CREM: variants seen among roughly 807,000 people sequenced by gnomAD.
CREM encodes the protein cAMP responsive element modulator.
Under a neutral mutation model 37.3 loss-of-function variants are expected in CREM, and 13 were observed. The observed-to-expected ratio is 0.35, with a 90% CI of 0.23 to 0.55. The LOEUF (loss-of-function observed/expected upper bound fraction) is 0.55, where lower values mean the gene tolerates loss of function less well. Ranked by LOEUF, CREM falls within the 20% of genes least tolerant of loss-of-function variation. The probability of loss-of-function intolerance (pLI) is 0.88; values close to 1 mark genes in which losing one functional copy is unlikely to be tolerated. For missense variants in CREM, 296 were observed against 362.3 expected (o/e 0.82, Z 1.49); for synonymous variants, 124 against 120.2 (o/e 1.03, Z -0.21).
In CREM at chr10:35,195,751, G is replaced by C. The variant is rs146939498; in HGVS notation, c.598+7363G>C. On this transcript the variant is annotated intron_variant, in intron 6 of 7. Transcript: ENST00000685392. ...TTTCCTCCTGTATTTAAAATGGTCT[G>C]TTCAGCTAATTGAGTTCAAAAGGCT... 2.2e-4 allele frequency: 100 copies of C among 446,790 alleles called. 1 individual carries two copies. Among genetic ancestry groups the C allele is most frequent in the African/African-American group, 1.8e-3 (93 of 50,514 alleles). 27.7% of individuals were successfully genotyped at this position (446,790 alleles called of 1,614,324 possible).
chr10:35,147,672 C>A (rs1338092263), intron 2 of CREM, among the ~76,000 whole-genome samples: 1 of 152,062 alleles, frequency 6.6e-6, no homozygotes, highest in East Asian at 1.9e-4. Context: ...GTTTATTAGG[C>A]CTTAAGAATC....
intron 3 of CREM, chr10:35,154,640 T>G (rs1047156760): frequency 2.6e-5 from 4 of 152,220 alleles, no homozygotes; most frequent in African/African-American, 9.6e-5. Context: ...ATTTTATCTG[T>G]TACACAGAAC....
chr10:35,182,718 C>T (rs1178406898), intron 5 of CREM, among the ~76,000 whole-genome samples: 1 of 152,124 alleles, frequency 6.6e-6, no homozygotes, highest in African/African-American at 2.4e-5. Flanking sequence ...ATAGGCTGCT[C>T]CCTGGGGAGT....
At chr10:35,131,834 A>G (rs2089437885) in intron 1 of CREM, among the ~76,000 whole-genome samples, 1 of 152,224 alleles carries the variant, frequency 6.6e-6, no homozygotes, top group Non-Finnish European at 1.5e-5. Context: ...CTTAATGTGC[A>G]GTAAAGAAGC....
At chr10:35,128,465 C>T (rs2088490850) in intron 1 of CREM, among the ~76,000 whole-genome samples, 1 of 151,852 alleles carries the variant, frequency 6.6e-6, no homozygotes, top group Admixed American at 6.6e-5. Flanking sequence ...GAATAAACCA[C>T]GCTGTTTTTT....
intron 3 of CREM, among the ~76,000 whole-genome samples, chr10:35,171,683 T>G (rs1408954662): frequency 6.6e-6 from 1 of 152,150 alleles, no homozygotes; most frequent in African/African-American, 2.4e-5. Flanking sequence ...CAGGTCTAGT[T>G]TGTGAGAATA....
intron 3 of CREM, among the ~76,000 whole-genome samples, chr10:35,174,167 A>C (rs1164551491): frequency 6.6e-6 from 1 of 152,136 alleles, no homozygotes; most frequent in South Asian, 2.1e-4. Flanking sequence ...GTTTCACACT[A>C]TCTGTCCAAC....
At chr10:35,131,275 A>G (rs2089325465) in intron 1 of CREM, among the ~76,000 whole-genome samples, 1 of 152,206 alleles carries the variant, frequency 6.6e-6, no homozygotes, top group African/African-American at 2.4e-5. Context: ...TGATGCTAAT[A>G]TTTTCCCTGA....
Position 35,211,764 on chromosome 10 carries a change from A to C in CREM, c.*366A>C. 6.2e-7 allele frequency: 1 copy of C among 1,613,682 alleles called. No individual in the cohort carries two copies. Among genetic ancestry groups the C allele is most frequent in the Non-Finnish European group, 8.5e-7 (1 of 1,179,914 alleles). ...ACAAGAAGCTTATAGAGGAACTTGA[A>C]ACCTTGAAAGACATTTGTTCTCCCA... On this transcript the variant is annotated 3_prime_UTR_variant, in exon 8 of 8. Coordinates refer to ENST00000685392, the MANE Select transcript of CREM (RefSeq NM_183011.2).
Position 35,211,446 on chromosome 10 carries a change from A to G in CREM, c.*48A>G, listed in dbSNP as rs767706006. 6.3e-7 allele frequency: 1 copy of G among 1,591,998 alleles called. No homozygotes were observed. Among genetic ancestry groups the G allele is most frequent in the African/African-American group, 1.3e-5 (1 of 74,454 alleles). ...TTACTCTAATCAAGGCAGGAGATGC[A>G]GCAGTCCTACTTATTGCCATGTGGA... is the stretch of plus-strand genomic sequence containing the variant. On this transcript the variant is annotated 3_prime_UTR_variant, in exon 8 of 8. Coordinates refer to ENST00000685392, the MANE Select transcript of CREM (RefSeq NM_183011.2).
intron 5 of CREM, among the ~76,000 whole-genome samples, chr10:35,184,580 G>A (rs2094474683): frequency 6.6e-6 from 1 of 152,166 alleles, no homozygotes; most frequent in Admixed American, 6.6e-5. Context: ...GACTTAATCA[G>A]TAGAAATGTT....
At chr10:35,129,589 T>C (rs2045918) in intron 1 of CREM, among the ~76,000 whole-genome samples, 1 of 151,994 alleles carries the variant, frequency 6.6e-6, no homozygotes, top group African/African-American at 2.4e-5. Flanking sequence ...GTTTATTGTT[T>C]AAGTGGATGT....
At position 35,211,978 on chromosome 10, in the gene CREM, T is replaced by C; in HGVS notation, c.*580T>C. On this transcript the variant is annotated 3_prime_UTR_variant, in exon 8 of 8. Transcript: ENST00000685392. ...GTTAAGTCGTAGCTATAACTTCAAA[T>C]TTTTTAAAAGAGACAAACTGTAAAA... 1 of 563,782 alleles carries C rather than the reference T, an allele frequency of 1.8e-6. No individual in the cohort carries two copies. The highest frequency in any genetic ancestry group is 3.3e-5 in the East Asian group (1 of 30,654). 34.9% of individuals were successfully genotyped at this position (563,782 alleles called of 1,614,324 possible).
chr10:35,146,931 T>C (rs1239862889), intron 2 of CREM, among the ~76,000 whole-genome samples: 1 of 152,030 alleles, frequency 6.6e-6, no homozygotes, highest in Non-Finnish European at 1.5e-5. Context: ...ATCTAAGTGG[T>C]CTATATACTT....
chr10:35,200,822 T>C (rs2095361303), intron 6 of CREM, among the ~76,000 whole-genome samples: 1 of 152,234 alleles, frequency 6.6e-6, no homozygotes, highest in African/African-American at 2.4e-5. Context: ...ACTCTCTATA[T>C]AAAAATGTTT....
intron 7 of CREM, among the ~76,000 whole-genome samples, chr10:35,209,883 CT>C (rs2095625958): frequency 6.6e-6 from 1 of 152,026 alleles, no homozygotes; most frequent in African/African-American, 2.4e-5. Flanking sequence ...TTTTAAATTT[CT>C]TTTGTTAACC....
Position 35,206,923 on chromosome 10 carries a change from G to T in CREM, c.627G>T (p.Gln209His), listed in dbSNP as rs375126634. 1.2e-6 allele frequency: 2 copies of T among 1,613,816 alleles called. No individual in the cohort carries two copies. Among genetic ancestry groups the T allele is most frequent in the African/African-American group, 2.7e-5 (2 of 75,026 alleles). Residue 209 changes from glutamine (Q) to histidine (H), a missense_variant, in exon 7 of 8, where the codon CAG (glutamine) becomes CAT (histidine). Physicochemically the swap from Gln to His is conservative, Grantham distance 24 (BLOSUM62 0). Transcript: ENST00000685392. ...CCACTGGTGACATGCCAACTTACCAGATCCGAGCTCCTACTGCTGCTTTGC... is the reference window on the plus strand; with the variant it reads ...CCACTGGTGACATGCCAACTTACCATATCCGAGCTCCTACTGCTGCTTTGC... ...QAATGDMPTY[Q>H]IRAPTAALPQ...
intron 3 of CREM, among the ~76,000 whole-genome samples, chr10:35,157,978 C>A (rs2093021589): frequency 6.6e-6 from 1 of 152,020 alleles, no homozygotes; most frequent in South Asian, 2.1e-4. Flanking sequence ...ATCAAGAAAA[C>A]TCTATTTACA....
chr10:35,181,055 T>G (rs553424816), intron 5 of CREM, among the ~76,000 whole-genome samples: 12 of 152,350 alleles, frequency 7.9e-5, no homozygotes, highest in African/African-American at 2.9e-4. Flanking sequence ...ACTTAGGACT[T>G]CTGATAGAAG....
Sources: allele counts gnomAD v4.1 joint callset (sites outside exome capture counted in the v4.1 genomes callset), GRCh38; gene constraint gnomAD v4.1.1; transcripts MANE v1.5; gene names NCBI Gene and HGNC (gene_info 2026-07-23, HGNC 2026-07-21).